The following PLCB1 variants were observed in gnomAD, a reference collection of about 807,000 sequenced individuals.
PLCB1 encodes phospholipase C beta 1.
A neutral mutation model predicts 161.8 loss-of-function variants in PLCB1; 46 were observed. That is an observed-to-expected ratio of 0.28 (90% CI 0.22 to 0.36). The LOEUF (loss-of-function observed/expected upper bound fraction) is 0.36. Among genes scored for constraint, PLCB1 ranks in the 10% least tolerant of loss-of-function variants. The probability of loss-of-function intolerance (pLI) is 1.00; values close to 1 mark genes in which losing one functional copy is unlikely to be tolerated. For synonymous variants in PLCB1, 517 were observed against 503.7 expected, an observed-to-expected ratio of 1.03 and a Z score of -0.35; for missense variants, 1,016 against 1,472.5, an observed-to-expected ratio of 0.69 and a Z score of 5.07.
chr20:8,360,592 G>C (rs921060431), intron 2 of PLCB1, among the ~76,000 whole-genome samples: 4 of 152,138 alleles, frequency 2.6e-5, no homozygotes, highest in African/African-American at 9.7e-5. Flanking sequence ...TTTATTGATT[G>C]ACTCAGTGAA....
intron 24 of PLCB1, among the ~76,000 whole-genome samples, chr20:8,758,997 TC>T (rs1330684896): frequency 6.6e-6 from 1 of 152,218 alleles, no homozygotes; most frequent in Non-Finnish European, 1.5e-5. Context: ...TACAGTAATG[TC>T]CTTTTACTGT....
At chr20:8,183,909 G>A (rs1458212225) in intron 2 of PLCB1, among the ~76,000 whole-genome samples, 2 of 151,958 alleles carry the variant, frequency 1.3e-5, no homozygotes, top group Non-Finnish European at 2.9e-5. Context: ...ACAAATATTG[G>A]TTAAAAAAGA....
intron 3 of PLCB1, among the ~76,000 whole-genome samples, chr20:8,468,011 A>G (rs978973947): frequency 1.8e-4 from 28 of 152,220 alleles, no homozygotes; most frequent in African/African-American, 6.3e-4. Flanking sequence ...AAATGTGGAT[A>G]AATCTCACAG....
intron 3 of PLCB1, among the ~76,000 whole-genome samples, chr20:8,481,112 C>T (rs1272188568): frequency 6.6e-6 from 1 of 151,564 alleles, no homozygotes; most frequent in Non-Finnish European, 1.5e-5. Context: ...TCCCCCTACC[C>T]CCCACCCTCC....
At chr20:8,177,846 T>C (rs943131727) in intron 2 of PLCB1, among the ~76,000 whole-genome samples, 2 of 152,118 alleles carry the variant, frequency 1.3e-5, no homozygotes, top group African/African-American at 2.4e-5. Context: ...CCTTCCACTC[T>C]CTACTGTCAG....
intron 2 of PLCB1, among the ~76,000 whole-genome samples, chr20:8,284,717 C>A (rs1416897884): frequency 6.6e-6 from 1 of 152,072 alleles, no homozygotes; most frequent in Non-Finnish European, 1.5e-5. Context: ...CATAACTTCC[C>A]CTGGGAATAT....
intron 9 of PLCB1, among the ~76,000 whole-genome samples, chr20:8,674,722 A>G (rs1005743251): frequency 3.3e-5 from 5 of 152,166 alleles, no homozygotes; most frequent in African/African-American, 1.2e-4. Context: ...GGTTTCTCCT[A>G]GACTTGAGGA....
At chr20:8,648,767 C>G (rs944495395) in intron 6 of PLCB1, among the ~76,000 whole-genome samples, 7 of 151,978 alleles carry the variant, frequency 4.6e-5, no homozygotes, top group African/African-American at 1.7e-4. Flanking sequence ...TAGTGAGACT[C>G]TATCTTTGCA....
intron 2 of PLCB1, among the ~76,000 whole-genome samples, chr20:8,358,651 A>C (rs1017076353): frequency 6.6e-6 from 1 of 152,200 alleles, no homozygotes; most frequent in Non-Finnish European, 1.5e-5. Flanking sequence ...AAAATATAGA[A>C]CATAATAGGA....
chr20:8,301,132 A>G (rs1983892103), intron 2 of PLCB1, among the ~76,000 whole-genome samples: 1 of 152,180 alleles, frequency 6.6e-6, no homozygotes, highest in Admixed American at 6.5e-5. Context: ...AAGCAGCTGG[A>G]GAAACTCTAC....
At chr20:8,246,934 C>A (rs767281742) in intron 2 of PLCB1, among the ~76,000 whole-genome samples, 2 of 151,790 alleles carry the variant, frequency 1.3e-5, no homozygotes, top group Non-Finnish European at 2.9e-5. Flanking sequence ...ATTTTAATCT[C>A]TATTTCTCAG....
intron 2 of PLCB1, among the ~76,000 whole-genome samples, chr20:8,363,172 T>G (rs1003009013): frequency 3.9e-5 from 6 of 152,192 alleles, no homozygotes; most frequent in African/African-American, 1.4e-4. Context: ...GTTAGTGTAT[T>G]AGTTATCTAT....
intron 31 of PLCB1, among the ~76,000 whole-genome samples, chr20:8,847,685 C>T (rs1024946802): frequency 2.6e-5 from 4 of 152,178 alleles, no homozygotes; most frequent in South Asian, 2.1e-4. Context: ...TTCTGACCAA[C>T]CAGCTGTAAG....
intron 2 of PLCB1, among the ~76,000 whole-genome samples, chr20:8,169,398 T>C (rs1356003828): frequency 3.3e-5 from 5 of 152,138 alleles, no homozygotes; most frequent in Non-Finnish European, 5.9e-5. Context: ...AAATAATAAA[T>C]AGGAATCCCA....
At chr20:8,560,560 T>G (rs940185805) in intron 3 of PLCB1, among the ~76,000 whole-genome samples, 3 of 152,034 alleles carry the variant, frequency 2.0e-5, no homozygotes, top group Non-Finnish European at 4.4e-5. Flanking sequence ...ACGTCTAGTG[T>G]TGTTCAACTA....
intron 2 of PLCB1, chr20:8,248,628 C>G (rs1387440609): frequency 2.0e-5 from 3 of 151,852 alleles, no homozygotes; most frequent in Admixed American, 1.3e-4. Context: ...AAGGGCAGGT[C>G]TACTACTGAG....
intron 31 of PLCB1, among the ~76,000 whole-genome samples, chr20:8,878,726 CTATTTTTATT>C (rs1163462484): frequency 1.3e-5 from 2 of 151,788 alleles, no homozygotes; most frequent in Non-Finnish European, 2.9e-5. Context: ...TTTTCATTTT[CTATTTTTATT>C]TATTTTTATT....
chr20:8,244,915 C>T (rs1200219015), intron 2 of PLCB1, among the ~76,000 whole-genome samples: 1 of 150,056 alleles, frequency 6.7e-6, no homozygotes, highest in Non-Finnish European at 1.5e-5. Flanking sequence ...GTGTTTATTG[C>T]AAAAAAGGAA....
Position 8,193,282 on chromosome 20 carries a change from G to A in PLCB1, c.177+42911G>A, listed in dbSNP as rs186105895. ...GTCCAGCTTCTGTAATGTATCTTAC[G>A]GAATTACTTCTGTACGATGCATAAA... On this transcript the variant is annotated intron_variant, in intron 2 of 31. Transcript: ENST00000338037. Among the ~76,000 whole-genome samples the A allele has an allele frequency of 6.7e-4, 102 of 151,926 alleles. 1 individual carries two copies. The highest frequency in any genetic ancestry group is 1.5e-4 in the Non-Finnish European group (10 of 67,938).
Sources: allele counts gnomAD v4.1 joint callset (sites outside exome capture counted in the v4.1 genomes callset), GRCh38; gene constraint gnomAD v4.1.1; transcripts MANE v1.5; gene names NCBI Gene and HGNC (gene_info 2026-07-23, HGNC 2026-07-21).